The following ENOX1 variants were observed in gnomAD, a reference collection of about 807,000 sequenced individuals.
ENOX1 encodes the protein ecto-NOX disulfide-thiol exchanger 1.
ENOX1 carries 42 observed loss-of-function variants against 82.5 expected under a neutral mutation model. The observed-to-expected ratio is 0.51, with a 90% CI of 0.40 to 0.66. The LOEUF is 0.66. Among genes scored for constraint, ENOX1 ranks in the 30% least tolerant of loss-of-function variants. The probability of loss-of-function intolerance (pLI) is 0.00; values close to 1 mark genes in which losing one functional copy is unlikely to be tolerated. For missense variants in ENOX1, 608 were observed against 811.6 expected (o/e 0.75, Z 3.05); for synonymous variants, 271 against 282.2 (o/e 0.96, Z 0.40).
At chr13:43,432,734 C>T (rs575906617) in intron 3 of ENOX1, among the ~76,000 whole-genome samples, 1 of 152,252 alleles carries the variant, frequency 6.6e-6, no homozygotes, top group Admixed American at 6.5e-5. Flanking sequence ...TCCGTCTCAG[C>T]CCTGAGATTC....
At chr13:43,409,097 G>T (rs1306393693) in intron 5 of ENOX1, among the ~76,000 whole-genome samples, 1 of 148,740 alleles carries the variant, frequency 6.7e-6, no homozygotes, top group East Asian at 1.9e-4. Context: ...TACAGTGTGA[G>T]AATAATTATT....
At chr13:43,587,917 C>T (rs769631592) in intron 2 of ENOX1, among the ~76,000 whole-genome samples, 13 of 149,658 alleles carry the variant, frequency 8.7e-5, no homozygotes, top group Non-Finnish European at 1.8e-4. Context: ...GAGGTATCCT[C>T]CAATTCCATT....
chr13:43,707,690 G>T (rs1487647845), intron 1 of ENOX1, among the ~76,000 whole-genome samples: 1 of 122,280 alleles, frequency 8.2e-6, no homozygotes, highest in Non-Finnish European at 1.6e-5. Context: ...CCGAGATCAC[G>T]CCACTGAACT....
chr13:43,439,773 T>C (rs1262559758), intron 3 of ENOX1, among the ~76,000 whole-genome samples: 2 of 152,224 alleles, frequency 1.3e-5, no homozygotes, highest in Non-Finnish European at 2.9e-5. Context: ...CTGTTTCTTT[T>C]GTTCACTATC....
At chr13:43,684,094 T>TAAAAAAAAAAA (rs2085940414) in intron 1 of ENOX1, among the ~76,000 whole-genome samples, 1 of 5,056 alleles carries the variant, frequency 2.0e-4, no homozygotes, top group African/African-American at 4.3e-4. Flanking sequence ...AGACTCTGTC[T>TAAAAAAAAAAA]CAAAAAAAAA....
Position 43,623,547 on chromosome 13 carries a change from G to A in ENOX1, c.-219+43932C>T, listed in dbSNP as rs1384847961. Among the ~76,000 whole-genome samples the A allele has an allele frequency of 2.6e-5, 4 of 152,184 alleles. No individual in the cohort carries two copies. In the East Asian group the frequency reaches 7.7e-4, roughly 29 times the overall value. On this transcript the variant is annotated intron_variant, in intron 2 of 16. Transcript: ENST00000690772. ...CTCCAGTGGGAGTGTGTGTTCGGGA[G>A]AGGATGGTCTCACTTTCACGGTTGG...
chr13:43,623,069 C>T (rs1348152701), intron 2 of ENOX1, among the ~76,000 whole-genome samples: 1 of 152,132 alleles, frequency 6.6e-6, no homozygotes, highest in African/African-American at 2.4e-5. Context: ...CCTTACCCAG[C>T]TCCCACACAA....
intron 5 of ENOX1, among the ~76,000 whole-genome samples, chr13:43,374,367 T>C (rs2051471203): frequency 6.6e-6 from 1 of 151,828 alleles, no homozygotes; most frequent in African/African-American, 2.4e-5. Flanking sequence ...TGCCTCAGCC[T>C]CCCAAATAGC....
At chr13:43,264,839 A>C (rs1190922026) in intron 14 of ENOX1, among the ~76,000 whole-genome samples, 1 of 152,242 alleles carries the variant, frequency 6.6e-6, no homozygotes, top group Admixed American at 6.5e-5. Context: ...TTCAAGGAAC[A>C]CTAAGAGAGG....
chr13:43,718,440 A>G (rs866056086), intron 1 of ENOX1, among the ~76,000 whole-genome samples: 2 of 152,156 alleles, frequency 1.3e-5, no homozygotes, highest in Non-Finnish European at 2.9e-5. Context: ...TACTATGCTC[A>G]CTACCTGGAG....
At chr13:43,712,491 T>G (rs982884445) in intron 1 of ENOX1, among the ~76,000 whole-genome samples, 1 of 151,966 alleles carries the variant, frequency 6.6e-6, no homozygotes, top group Non-Finnish European at 1.5e-5. Flanking sequence ...GCATTGAATC[T>G]ATAAATTACC....
chr13:43,438,278 T>C (rs1056031222), intron 3 of ENOX1, among the ~76,000 whole-genome samples: 4 of 152,104 alleles, frequency 2.6e-5, no homozygotes, highest in African/African-American at 9.7e-5. Flanking sequence ...AAGACAAGCC[T>C]GAGGAGGGTA....
chr13:43,306,450 T>G (rs2153514756), intron 11 of ENOX1, among the ~76,000 whole-genome samples: 1 of 152,338 alleles, frequency 6.6e-6, no homozygotes. Context: ...AAGATTCTTT[T>G]TTAGGAAAGT....
At chr13:43,759,623 G>A (rs1950848913) in intron 1 of ENOX1, among the ~76,000 whole-genome samples, 1 of 152,172 alleles carries the variant, frequency 6.6e-6, no homozygotes, top group East Asian at 1.9e-4. Context: ...ATCAGAGGAT[G>A]ACACTCTAAA....
chr13:43,577,144 T>G (rs1165897314), intron 2 of ENOX1, among the ~76,000 whole-genome samples: 1 of 152,082 alleles, frequency 6.6e-6, no homozygotes, highest in South Asian at 2.1e-4. Context: ...TTTTTTCTTT[T>G]TTTTTGAGAC....
rs149387583 is a variant in ENOX1 at position 43,767,542 on chromosome 13, C to T, written c.-285+19110G>A. 1.1e-4 allele frequency among the ~76,000 whole-genome samples: 17 copies of T among 152,284 alleles called. No homozygotes were observed. The East Asian group carries it at 3.3e-3, about 29-fold the overall frequency. On this transcript the variant is annotated intron_variant, in intron 1 of 16. Coordinates refer to ENST00000690772, the MANE Select transcript of ENOX1 (RefSeq NM_001347969.2). The stretch of plus-strand genomic sequence containing the variant: ...CAAGGAGGGAAAAGTTTAGACTGTG[C>T]TTTAAAAGGAAGTTTCTAACAATCA...
intron 3 of ENOX1, among the ~76,000 whole-genome samples, chr13:43,430,862 C>A (rs757649594): frequency 6.6e-6 from 1 of 152,160 alleles, no homozygotes; most frequent in Non-Finnish European, 1.5e-5. Context: ...CACATGGATG[C>A]CAAGGCAACT....
intron 16 of ENOX1, among the ~76,000 whole-genome samples, chr13:43,215,065 A>T (rs539920316): frequency 1.3e-5 from 2 of 152,378 alleles, no homozygotes; most frequent in Non-Finnish European, 2.9e-5. Context: ...AGATATGGGC[A>T]CATAGAAATG....
chr13:43,621,549 TTG>T (rs1301495436), intron 2 of ENOX1, among the ~76,000 whole-genome samples: 1 of 152,190 alleles, frequency 6.6e-6, no homozygotes, highest in African/African-American at 2.4e-5. Context: ...TGGCTGATAA[TTG>T]TTTTGTTTGA....
Sources: allele counts gnomAD v4.1 joint callset (sites outside exome capture counted in the v4.1 genomes callset), GRCh38; gene constraint gnomAD v4.1.1; transcripts MANE v1.5; gene names NCBI Gene and HGNC (gene_info 2026-07-23, HGNC 2026-07-21).